Variants in ARB2A observed in about 807,000 individuals in gnomAD.
ARB2A encodes ARB2 cotranscriptional regulator A.
the ARB2A span, among the ~76,000 whole-genome samples, chr5:93,638,327 C>T: frequency 6.6e-6 from 1 of 152,058 alleles, no homozygotes; most frequent in Non-Finnish European, 1.5e-5. Flanking sequence ...TTTACATCTA[C>T]AAAAAAATCT....
chr5:93,911,469 T>G, the ARB2A span, among the ~76,000 whole-genome samples: 2 of 151,618 alleles, frequency 1.3e-5, no homozygotes, highest in Admixed American at 6.6e-5. Context: ...GAAGGCTTCT[T>G]TGGAAATCTA....
chr5:93,953,060 G>T, the ARB2A span, among the ~76,000 whole-genome samples: 2 of 152,038 alleles, frequency 1.3e-5, no homozygotes, highest in Non-Finnish European at 2.9e-5. Context: ...CTCTGTGTTA[G>T]CTTGAGTTTA....
chr5:93,833,611 A>C, the ARB2A span, among the ~76,000 whole-genome samples: 4 of 152,228 alleles, frequency 2.6e-5, no homozygotes, highest in South Asian at 6.2e-4. Flanking sequence ...TAAAACACTA[A>C]AAGCAGTTGA....
At chr5:93,662,272 T>C in the ARB2A span, among the ~76,000 whole-genome samples, 106 of 152,304 alleles carry the variant, frequency 7.0e-4, no homozygotes, top group African/African-American at 2.4e-3. Context: ...TGAGTAGGTC[T>C]CTGTTCCTTG....
chr5:93,704,478 C>A, the ARB2A span, among the ~76,000 whole-genome samples: 20 of 152,264 alleles, frequency 1.3e-4, no homozygotes, highest in African/African-American at 4.1e-4. Context: ...AGGGGAGGAT[C>A]GCTTGAGCAC....
chr5:93,851,664 T>C, the ARB2A span, among the ~76,000 whole-genome samples: 6,400 of 152,238 alleles, frequency 0.042, 198 homozygotes, highest in East Asian at 0.14. Context: ...CCATGTGTTC[T>C]CACTGTTCAA....
the ARB2A span, among the ~76,000 whole-genome samples, chr5:93,781,622 A>G: frequency 1.3e-5 from 2 of 151,840 alleles, no homozygotes; most frequent in Non-Finnish European, 2.9e-5. Context: ...ACTGTTTTCC[A>G]CAGAGGCTGT....
chr5:93,900,529 G>T, the ARB2A span, among the ~76,000 whole-genome samples: 1 of 150,550 alleles, frequency 6.6e-6, no homozygotes, highest in Non-Finnish European at 1.5e-5. Context: ...AAAGAGAATC[G>T]CTTGAACCCA....
chr5:94,061,699 T>G, the ARB2A span, among the ~76,000 whole-genome samples: 1 of 152,150 alleles, frequency 6.6e-6, no homozygotes, highest in African/African-American at 2.4e-5. Context: ...CCATTTATAA[T>G]CACTCCAAAA....
the ARB2A span, among the ~76,000 whole-genome samples, chr5:93,700,911 T>G: frequency 1.3e-5 from 2 of 152,052 alleles, no homozygotes; most frequent in Non-Finnish European, 2.9e-5. Context: ...CTCTGAGAGA[T>G]AAAAAATTCA....
the ARB2A span, among the ~76,000 whole-genome samples, chr5:93,854,161 C>A: frequency 3.3e-5 from 5 of 152,136 alleles, no homozygotes; most frequent in African/African-American, 7.2e-5. Context: ...TTCAGAGATT[C>A]AACTTCTTCC....
the ARB2A span, among the ~76,000 whole-genome samples, chr5:93,857,644 C>T: frequency 1.3e-5 from 2 of 152,204 alleles, no homozygotes; most frequent in Non-Finnish European, 2.9e-5. Flanking sequence ...CGGAAAAGTG[C>T]AGTATTAGGG....
the ARB2A span, among the ~76,000 whole-genome samples, chr5:93,990,776 TA>T: frequency 1.3e-5 from 2 of 151,916 alleles, no homozygotes; most frequent in Non-Finnish European, 2.9e-5. Context: ...CTGTTTCAGA[TA>T]GGGGAAAACA....
chr5:94,027,998 G>C, the ARB2A span, among the ~76,000 whole-genome samples: 1 of 152,102 alleles, frequency 6.6e-6, no homozygotes, highest in Non-Finnish European at 1.5e-5. Context: ...TTGCTTGCTT[G>C]GTGTATAGAA....
At chr5:93,803,930 G>A in the ARB2A span, among the ~76,000 whole-genome samples, 1 of 151,916 alleles carries the variant, frequency 6.6e-6, no homozygotes, top group Non-Finnish European at 1.5e-5. Context: ...AGCTAGGTTT[G>A]TACACAGCCG....
the ARB2A span, among the ~76,000 whole-genome samples, chr5:93,986,039 G>A: frequency 4.3e-5 from 6 of 140,700 alleles, no homozygotes; most frequent in East Asian, 2.2e-4. Context: ...CTGGCCACCC[G>A]TCTGGGATGT....
the ARB2A span, among the ~76,000 whole-genome samples, chr5:93,753,917 C>A: frequency 6.6e-6 from 1 of 152,138 alleles, no homozygotes; most frequent in African/African-American, 2.4e-5. Context: ...GCCTTCCATC[C>A]TGTGTGCCTG....
the ARB2A span, among the ~76,000 whole-genome samples, chr5:93,668,681 A>C: frequency 6.6e-6 from 1 of 152,214 alleles, no homozygotes; most frequent in Admixed American, 6.5e-5. Flanking sequence ...TAGGATAAGT[A>C]CTTGAATTTA....
chr5:93,952,095 T>C, the ARB2A span, among the ~76,000 whole-genome samples: 2 of 152,144 alleles, frequency 1.3e-5, no homozygotes, highest in African/African-American at 4.8e-5. Flanking sequence ...GCCACCTTTG[T>C]AATAAAAGGA....
Sources: allele counts gnomAD v4.1 joint callset (sites outside exome capture counted in the v4.1 genomes callset), GRCh38; gene constraint gnomAD v4.1.1; transcripts MANE v1.5; gene names NCBI Gene and HGNC (gene_info 2026-07-23, HGNC 2026-07-21).